The following LGSN variants were observed in gnomAD, a reference collection of about 807,000 sequenced individuals.
LGSN encodes the protein lengsin.
LGSN carries 21 observed loss-of-function variants against 19.5 expected under a neutral mutation model. The observed-to-expected ratio is 1.07, with a 90% CI of 0.76 to 1.55. The LOEUF (loss-of-function observed/expected upper bound fraction) is 1.55, where lower values mean the gene tolerates loss of function less well. Among genes scored for constraint, LGSN ranks in the 40% most tolerant of loss-of-function variants. The pLI is 0.00. For missense variants in LGSN, 673 were observed against 608.5 expected (o/e 1.11, Z -1.12); for synonymous variants, 257 against 215.6 (o/e 1.19, Z -1.68).
chr6:63,503,433 A>C, the LGSN span, among the ~76,000 whole-genome samples: 2 of 152,260 alleles, frequency 1.3e-5, no homozygotes, highest in African/African-American at 4.8e-5. Context: ...TCTGGAGATC[A>C]CAAGAATGGC....
chr6:63,434,333 T>C, the LGSN span, among the ~76,000 whole-genome samples: 1 of 148,368 alleles, frequency 6.7e-6, no homozygotes, highest in Non-Finnish European at 1.5e-5. Context: ...CCAGCTACTC[T>C]GGAGGCTGAG....
At chr6:63,467,601 A>G in the LGSN span, among the ~76,000 whole-genome samples, 1 of 152,298 alleles carries the variant, frequency 6.6e-6, no homozygotes, top group African/African-American at 2.4e-5. Context: ...CTCTGTGTGA[A>G]CAAGCCTGGT....
chr6:63,413,080 C>T, the LGSN span, among the ~76,000 whole-genome samples: 58 of 152,192 alleles, frequency 3.8e-4, no homozygotes, highest in African/African-American at 1.3e-3. Flanking sequence ...AACCATTATA[C>T]AAATCCTGAA....
the LGSN span, among the ~76,000 whole-genome samples, chr6:63,333,405 G>A: frequency 1.3e-5 from 2 of 148,700 alleles, no homozygotes; most frequent in Non-Finnish European, 3.0e-5. Context: ...CATTACCCTG[G>A]CACCAAAACC....
At position 63,300,255 on chromosome 6, in the gene LGSN, C is replaced by A. The variant is rs550723927; in HGVS notation, c.31-5210G>T. 1.2e-3 allele frequency among the ~76,000 whole-genome samples: 180 copies of A among 152,322 alleles called. 3 individuals carry two copies. The highest frequency in any genetic ancestry group is 4.2e-3 in the African/African-American group (175 of 41,580). ...CTACACCTGGTGTGTAAATTAGGGA[C>A]CCAGATGGGCCCTGGCCTTCCTAGC... On this transcript the variant is annotated intron_variant, in intron 1 of 3. Transcript: ENST00000370657.
At chr6:63,465,145 G>A in the LGSN span, among the ~76,000 whole-genome samples, 1 of 151,846 alleles carries the variant, frequency 6.6e-6, no homozygotes, top group African/African-American at 2.4e-5. Context: ...ATAATGGTGT[G>A]CTACTACTGC....
rs764275316 is a variant in LGSN at position 63,280,789 on chromosome 6, G to T, written c.762C>A (p.Val254=). 14 of 1,614,056 alleles carry T rather than the reference G, an allele frequency of 8.7e-6. No homozygotes were observed. In the South Asian group the frequency reaches 1.1e-4, roughly 13 times the overall value. ...VDGLYHTGAN[V]ESFSSSTRPG... is the part of the protein sequence containing the mutation. ...GCCTGGTAGAGGAGGAAAAACTCTC[G>T]ACATTGGCTCCAGTGTGATACAAGC... Residue 254 remains valine, a synonymous_variant, in exon 4 of 4, where the codon GTC becomes GTA. Coordinates refer to ENST00000370657, the MANE Select transcript of LGSN (RefSeq NM_016571.3).
the LGSN span, among the ~76,000 whole-genome samples, chr6:63,472,404 G>A: frequency 2.0e-5 from 3 of 152,166 alleles, no homozygotes; most frequent in African/African-American, 7.2e-5. Context: ...AAGTGGACTG[G>A]ATTTTAGTGA....
At chr6:63,552,776 A>G in the LGSN span, among the ~76,000 whole-genome samples, 1 of 152,162 alleles carries the variant, frequency 6.6e-6, no homozygotes, top group African/African-American at 2.4e-5. Context: ...TCCCAACACC[A>G]TTTATTAAAT....
At chr6:63,499,656 G>C in the LGSN span, among the ~76,000 whole-genome samples, 1 of 151,982 alleles carries the variant, frequency 6.6e-6, no homozygotes, top group Non-Finnish European at 1.5e-5. Context: ...CTCCAAATAT[G>C]GGTTTTTCTC....
At chr6:63,315,037 A>G (rs945678207) in intron 1 of LGSN, among the ~76,000 whole-genome samples, 4 of 152,206 alleles carry the variant, frequency 2.6e-5, no homozygotes, top group Non-Finnish European at 4.4e-5. Context: ...TCCAAGACAG[A>G]TGGGATAAGA....
At chr6:63,357,180 G>A in the LGSN span, among the ~76,000 whole-genome samples, 1 of 152,044 alleles carries the variant, frequency 6.6e-6, no homozygotes, top group Non-Finnish European at 1.5e-5. Context: ...TTTTATGGCT[G>A]CATAGTATTC....
chr6:63,324,591 C>T (rs1350599435), upstream of LGSN, among the ~76,000 whole-genome samples: 1 of 151,880 alleles, frequency 6.6e-6, no homozygotes, highest in Non-Finnish European at 1.5e-5. Context: ...TTAAATAAAA[C>T]TAAAAATCAA....
At chr6:63,447,945 CT>C in the LGSN span, among the ~76,000 whole-genome samples, 57 of 152,212 alleles carry the variant, frequency 3.7e-4, no homozygotes, top group African/African-American at 1.3e-3. Context: ...AGATGCCATC[CT>C]ACAAGAAACT....
At chr6:63,421,046 TA>T in the LGSN span, among the ~76,000 whole-genome samples, 93 of 151,750 alleles carry the variant, frequency 6.1e-4, no homozygotes, top group African/African-American at 2.2e-3. Flanking sequence ...GTGAGTCAGG[TA>T]AAAAAAATGA....
chr6:63,572,804 G>A, the LGSN span: 1 of 397,246 alleles, frequency 2.5e-6, no homozygotes, highest in Non-Finnish European at 4.4e-6. Flanking sequence ...TTCGGAGCCC[G>A]GCGTCTCCTC....
the LGSN span, among the ~76,000 whole-genome samples, chr6:63,541,461 G>A: frequency 1.3e-5 from 2 of 151,974 alleles, no homozygotes; most frequent in Non-Finnish European, 2.9e-5. Flanking sequence ...GCTGAGACAG[G>A]AAAATCGCCT....
chr6:63,469,927 G>C, the LGSN span, among the ~76,000 whole-genome samples: 74 of 152,238 alleles, frequency 4.9e-4, no homozygotes, highest in African/African-American at 1.7e-3. Flanking sequence ...TGTTGGTCAG[G>C]CTGGTCTTGA....
chr6:63,308,614 CAAA>C (rs3839641), intron 1 of LGSN, among the ~76,000 whole-genome samples: 1 of 140,388 alleles, frequency 7.1e-6, no homozygotes, highest in South Asian at 2.3e-4. Context: ...AATGTCAATA[CAAA>C]AAAAAAAAAC....
Sources: allele counts gnomAD v4.1 joint callset (sites outside exome capture counted in the v4.1 genomes callset), GRCh38; gene constraint gnomAD v4.1.1; transcripts MANE v1.5; gene names NCBI Gene and HGNC (gene_info 2026-07-23, HGNC 2026-07-21).